Variants in FAM168A observed in about 807,000 individuals in gnomAD.
FAM168A encodes protein FAM168A.
In FAM168A, 3 loss-of-function variants were observed where a neutral mutation model predicts 28.5. That is an observed-to-expected ratio of 0.11 (90% CI 0.05 to 0.27). FAM168A has a LOEUF of 0.27. FAM168A is among the 10% of genes least tolerant of loss of function. The probability of loss-of-function intolerance (pLI) is 1.00; values close to 1 mark genes in which losing one functional copy is unlikely to be tolerated. For missense variants in FAM168A, 222 were observed against 311.5 expected, an observed-to-expected ratio of 0.71 and a Z score of 2.16; for synonymous variants, 122 against 124.2, an observed-to-expected ratio of 0.98 and a Z score of 0.12.
intron 1 of FAM168A, among the ~76,000 whole-genome samples, chr11:73,489,532 C>G (rs1293817089): frequency 7.8e-6 from 1 of 127,556 alleles, no homozygotes; most frequent in African/African-American, 3.1e-5. Context: ...TTTTGGATAT[C>G]GGGTCTTTTG....
At chr11:73,563,488 T>C (rs1238882673) in intron 1 of FAM168A, among the ~76,000 whole-genome samples, 1 of 152,132 alleles carries the variant, frequency 6.6e-6, no homozygotes, top group Admixed American at 6.6e-5. Context: ...TTCCCAACAC[T>C]GTGCTGAGCA....
At chr11:73,544,971 T>TTTTATATATAGTA (rs1943719371) in intron 1 of FAM168A, among the ~76,000 whole-genome samples, 2 of 86,624 alleles carry the variant, frequency 2.3e-5, no homozygotes, top group African/African-American at 1.4e-4. Context: ...ATAATATATA[T>TTTTATATATAGTA]TATATAATAT....
At chr11:73,457,131 T>C (rs981661284) in intron 2 of FAM168A, among the ~76,000 whole-genome samples, 2 of 152,154 alleles carry the variant, frequency 1.3e-5, no homozygotes, top group African/African-American at 4.8e-5. Context: ...CTCATTCCTA[T>C]AATCCTAGTG....
At chr11:73,532,976 T>A (rs116330734) in intron 1 of FAM168A, among the ~76,000 whole-genome samples, 172 of 152,344 alleles carry the variant, frequency 1.1e-3, no homozygotes, top group African/African-American at 3.9e-3. Flanking sequence ...ATGAGAAGTA[T>A]TCCTTACTGC....
chr11:73,457,723 C>CAAAAAAAAAAAAAAAAAAAAAAA (rs58142151), intron 2 of FAM168A, among the ~76,000 whole-genome samples: 15 of 37,534 alleles, frequency 4.0e-4, no homozygotes, highest in South Asian at 1.6e-3. Context: ...GCCTGGGTGA[C>CAAAAAAAAAAAAAAAAAAAAAAA]AAAAAAAAAA....
chr11:73,537,251 C>G (rs533003263), intron 1 of FAM168A, among the ~76,000 whole-genome samples: 1 of 152,178 alleles, frequency 6.6e-6, no homozygotes, highest in Non-Finnish European at 1.5e-5. Flanking sequence ...AAAAGGCAGG[C>G]AGAAATCAGA....
At chr11:73,429,514 C>T (rs1223357055) in intron 3 of FAM168A, among the ~76,000 whole-genome samples, 4 of 152,236 alleles carry the variant, frequency 2.6e-5, no homozygotes, top group Non-Finnish European at 5.9e-5. Context: ...TAGCTGCTCA[C>T]AGTTTAGCCA....
intron 4 of FAM168A, 133 bp downstream of exon 4, chr11:73,419,741 C>G: frequency 9.0e-7 from 1 of 1,114,628 alleles, no homozygotes; most frequent in Non-Finnish European, 1.3e-6. Context: ...TAATTTTTTG[C>G]CTGGGTAAAA....
intron 3 of FAM168A, chr11:73,430,246 A>ATGTG (rs35693530): frequency 0.11 from 16,712 of 147,408 alleles, 1,006 homozygotes; most frequent in African/African-American, 0.15. Context: ...TGGCAAGAGC[A>ATGTG]TGTGTGTGTG....
chr11:73,438,193 T>C (rs1256558993), intron 2 of FAM168A, among the ~76,000 whole-genome samples: 2 of 152,146 alleles, frequency 1.3e-5, no homozygotes, highest in Non-Finnish European at 1.5e-5. Context: ...GCTAGGTTCT[T>C]TACAGAGCAC....
intron 1 of FAM168A, among the ~76,000 whole-genome samples, chr11:73,513,839 ATTT>A (rs1186938353): frequency 6.6e-6 from 1 of 152,116 alleles, no homozygotes; most frequent in African/African-American, 2.4e-5. Context: ...TACCACTTAC[ATTT>A]TGGCTATGTT....
At chr11:73,460,841 C>A (rs1158298759) in intron 2 of FAM168A, among the ~76,000 whole-genome samples, 1 of 152,102 alleles carries the variant, frequency 6.6e-6, no homozygotes. Flanking sequence ...CACTATTATC[C>A]CTACTTTATA....
chr11:73,579,588 C>T (rs896006791), intron 1 of FAM168A, among the ~76,000 whole-genome samples: 3 of 152,262 alleles, frequency 2.0e-5, no homozygotes, highest in South Asian at 4.2e-4. Flanking sequence ...CCCCCACCCA[C>T]CATTTAGAGC....
chr11:73,426,635 G>A (rs2134504690), intron 3 of FAM168A, among the ~76,000 whole-genome samples: 1 of 152,164 alleles, frequency 6.6e-6, no homozygotes, highest in South Asian at 2.1e-4. Context: ...TGTGAATCCA[G>A]AGGCCAGCAT....
At chr11:73,484,525 T>G (rs901070833) in intron 1 of FAM168A, among the ~76,000 whole-genome samples, 5 of 144,486 alleles carry the variant, frequency 3.5e-5, no homozygotes, top group Middle Eastern at 3.6e-3. Context: ...TAGATATATA[T>G]ATCTATATAT....
chr11:73,420,548 G>C (rs960012763), intron 3 of FAM168A, among the ~76,000 whole-genome samples: 2 of 152,250 alleles, frequency 1.3e-5, no homozygotes, highest in African/African-American at 4.8e-5. Context: ...ACTGGGCACT[G>C]TGCCACACCG....
intron 3 of FAM168A, chr11:73,420,823 A>G (rs1465873755): frequency 1.3e-5 from 2 of 152,610 alleles, no homozygotes; most frequent in East Asian, 3.8e-4. Flanking sequence ...CTCAAAGCTC[A>G]GCTCGAGACA....
chr11:73,587,151 T>TTA (rs1565309742), intron 1 of FAM168A, among the ~76,000 whole-genome samples: 1 of 112,586 alleles, frequency 8.9e-6, no homozygotes, highest in African/African-American at 5.6e-5. Context: ...CATGGACATG[T>TTA]TAAAAAAAAA....
At chr11:73,518,031 C>G (rs895769582) in intron 1 of FAM168A, among the ~76,000 whole-genome samples, 2 of 152,236 alleles carry the variant, frequency 1.3e-5, no homozygotes, top group African/African-American at 4.8e-5. Context: ...TTGACACATA[C>G]TAGTACTTGT....
Sources: gnomAD v4.1 joint callset for allele counts (sites outside exome capture counted in the v4.1 genomes callset) on GRCh38, gnomAD v4.1.1 for gene constraint, MANE v1.5 for transcripts, NCBI Gene and HGNC (gene_info 2026-07-23, HGNC 2026-07-21) for gene names.